NEFM: variants seen among roughly 807,000 people sequenced by gnomAD.
NEFM encodes neurofilament medium chain.
A neutral mutation model predicts 48.1 loss-of-function variants in NEFM; 16 were observed. The observed-to-expected ratio is 0.33, with a 90% CI of 0.23 to 0.51. The LOEUF is 0.51. Among genes scored for constraint, NEFM ranks in the 20% least tolerant of loss-of-function variants. The pLI is 0.98. For missense variants in NEFM, 1,107 were observed against 1,136.0 expected, an observed-to-expected ratio of 0.97 and a Z score of 0.37; for synonymous variants, 465 against 456.9, an observed-to-expected ratio of 1.02 and a Z score of -0.23.
In NEFM at chr8:24,917,755, C is replaced by T. The variant is rs1162868192; in HGVS notation, c.1900C>T (p.Pro634Ser). Residue 634 changes from proline to serine, a missense_variant, in exon 3 of 3, where the codon CCA becomes TCA. By Grantham distance (74) the Pro-to-Ser change is moderately conservative (BLOSUM62 -1). This residue lies in a region of NEFM where 917 missense variants were observed against 916.4 expected (regional missense o/e 1.00). Transcript: ENST00000221166. Reference protein sequence around the residue: ...EKGKSPVPKSPVEEKGKSPVP... With the variant: ...EKGKSPVPKSSVEEKGKSPVP... ...AGGCAAGTCTCCTGTGCCCAAGTCA[C>T]CAGTGGAAGAGAAAGGCAAGTCTCC... 2 of 1,613,642 alleles carry T rather than the reference C, an allele frequency of 1.2e-6. No homozygotes were observed. The highest frequency in any genetic ancestry group is 1.7e-6 in the Non-Finnish European group (2 of 1,179,888).
chr8:24,915,284 A>G (rs942615883), intron 1 of NEFM: 66 of 1,286,558 alleles, frequency 5.1e-5, no homozygotes, highest in Non-Finnish European at 6.4e-5. Context: ...AAGGGCTCAG[A>G]TGGGAATGGC....
Position 24,918,921 on chromosome 8 carries a change from A to T in NEFM, c.*315A>T, listed in dbSNP as rs1802625641. ...CCAAAAACAATAAACGAAACACAGA[A>T]CTCAGCCTTAAGAAAGCTATATATG... On this transcript the variant is annotated 3_prime_UTR_variant, in exon 3 of 3. Transcript: ENST00000221166. 2 of 362,162 alleles carry T rather than the reference A, an allele frequency of 5.5e-6. No homozygotes were observed. Among genetic ancestry groups the T allele is most frequent in the Non-Finnish European group, 5.1e-6 (1 of 194,928 alleles). The allele number at this position is 362,162 out of a possible 1,614,324, so 22.4% of individuals were successfully genotyped here.
chr8:24,915,749 C>G lies in NEFM; in HGVS notation c.1205+20C>G, dbSNP rs1287511793. 2 of 1,613,720 alleles carry G rather than the reference C, an allele frequency of 1.2e-6. No individual in the cohort carries two copies. Among genetic ancestry groups the G allele is most frequent in the Non-Finnish European group, 1.7e-6 (2 of 1,179,888 alleles). ...GTACAGGTACGATGCTTACTACGTG[C>G]GTGGCCGGAACACTAACCGCAGTGC... is the stretch of plus-strand genomic sequence containing the variant. On this transcript the variant is annotated intron_variant, in intron 2 of 2. Transcript: ENST00000221166.
Position 24,918,274 on chromosome 8 carries a change from G to A in NEFM, c.2419G>A (p.Glu807Lys). The change falls in exon 3 of 3, where the codon GAA becomes AAA. Residue 807 changes from glutamate (E) to lysine (K), a missense_variant. Around this residue, in one of 3 missense-constraint regions of NEFM, gnomAD observed 917 missense variants for 916.4 expected, o/e 1.00. Transcript: ENST00000221166. ...AGACATAGCTGTCAATGGGGAGGTA[G>A]AAGGAAAAGAGGAGGTAGAGCAGGA... ...KEDIAVNGEV[E>K]GKEEVEQETK... is the part of the protein sequence containing the mutation. 6.2e-7 allele frequency: 1 copy of A among 1,600,792 alleles called. No individual in the cohort carries two copies. The highest frequency in any genetic ancestry group is 2.3e-5 in the East Asian group (1 of 44,422).
Position 24,914,612 on chromosome 8 carries a change from C to A in NEFM, c.819C>A (p.Ile273=). The A allele has an allele frequency of 3.1e-6, 5 of 1,614,216 alleles. No individual in the cohort carries two copies. The highest frequency in any genetic ancestry group is 4.2e-6 in the Non-Finnish European group (5 of 1,180,042). ...KTDISTALKE[I]RSQLESHSDQ... ...ACATCTCGACGGCGCTGAAGGAAAT[C>A]CGCTCCCAGCTCGAAAGCCACTCAG... The change falls in exon 1 of 3, where the codon ATC becomes ATA. Residue 273 remains isoleucine, a synonymous_variant. Coordinates refer to ENST00000221166, the MANE Select transcript of NEFM (RefSeq NM_005382.2).
chr8:24,917,268 G>A lies in NEFM; in HGVS notation c.1413G>A (p.Glu471=). 1 of 1,614,112 alleles carries A rather than the reference G, an allele frequency of 6.2e-7. No individual in the cohort carries two copies. Among genetic ancestry groups the A allele is most frequent in the Non-Finnish European group, 8.5e-7 (1 of 1,180,042 alleles). Residue 471 remains glutamate, a synonymous_variant, in exon 3 of 3, where the codon GAG becomes GAA. Coordinates refer to ENST00000221166, the MANE Select transcript of NEFM (RefSeq NM_005382.2). ...AGGATGAGAAGTCAGAAATGGAAGA[G>A]GCCCTGACAGCCATTACAGAGGAAT... is the stretch of plus-strand genomic sequence containing the variant. ...KVEDEKSEME[E]ALTAITEELA... is the part of the protein sequence containing the mutation.
chr8:24,915,398 C>T (rs1325710771), intron 1 of NEFM: 8 of 1,037,736 alleles, frequency 7.7e-6, no homozygotes, highest in Non-Finnish European at 1.1e-5. Context: ...GTCCTATTGT[C>T]TTACTGATCT....
chr8:24,917,674 G>T lies in NEFM; in HGVS notation c.1819G>T (p.Val607Leu), dbSNP rs1179886627. 4 of 1,613,300 alleles carry T rather than the reference G, an allele frequency of 2.5e-6. No individual in the cohort carries two copies. Among genetic ancestry groups the T allele is most frequent in the African/African-American group, 1.3e-5 (1 of 74,916 alleles). The change falls in exon 3 of 3, where the codon GTG (valine) becomes TTG (leucine). Residue 607 changes from valine (V) to leucine (L), a missense_variant. Around this residue, in one of 3 missense-constraint regions of NEFM, gnomAD observed 917 missense variants for 916.4 expected, o/e 1.00. Transcript: ENST00000221166. The part of the protein sequence containing the change: ...TKEELVADAK[V>L]EKPEKAKSPV... Reference sequence around the variant, plus strand: ...GGAGGAGCTGGTGGCAGATGCCAAGGTGGAAAAGCCAGAAAAAGCCAAGTC... The same window carrying T: ...GGAGGAGCTGGTGGCAGATGCCAAGTTGGAAAAGCCAGAAAAAGCCAAGTC...
rs56902012 is a variant in NEFM, at chr8:24,914,799, G to C, written c.1006G>C (p.Gly336Arg). ...SKSIELESVR[G>R]TKESLERQLS... The stretch of plus-strand genomic sequence containing the variant: ...GAGCATCGAGCTAGAGTCGGTGCGC[G>C]GCACCAAGGAGTCCCTGGAGCGGCA... Residue 336 changes from glycine to arginine, a missense_variant, in exon 1 of 3, where the codon GGC (glycine) becomes CGC (arginine). Coordinates refer to ENST00000221166, the MANE Select transcript of NEFM (RefSeq NM_005382.2). The C allele has an allele frequency of 9.3e-6, 15 of 1,606,086 alleles. No individual in the cohort carries two copies. The highest frequency in any genetic ancestry group is 4.4e-5 in the South Asian group (4 of 90,062).
In NEFM at chr8:24,918,681, A is replaced by G; in HGVS notation, c.*75A>G. The stretch of plus-strand genomic sequence containing the variant: ...ATGTGATTGGCAGCTTCAAAACAGA[A>G]CGGGTTCTCCCATGGGGGCTCCAGA... On this transcript the variant is annotated 3_prime_UTR_variant, in exon 3 of 3. Coordinates refer to ENST00000221166, the MANE Select transcript of NEFM (RefSeq NM_005382.2). 2.8e-6 allele frequency: 3 copies of G among 1,087,440 alleles called. No homozygotes were observed. The highest frequency in any genetic ancestry group is 2.5e-5 in the South Asian group (2 of 80,168). 67.4% of individuals were successfully genotyped at this position (1,087,440 alleles called of 1,614,324 possible).
chr8:24,916,437 G>A (rs1802574127), intron 2 of NEFM, among the ~76,000 whole-genome samples: 2 of 152,134 alleles, frequency 1.3e-5, no homozygotes, highest in South Asian at 4.1e-4. Flanking sequence ...TAAGCGCAAA[G>A]GACAAAATCG....
In NEFM at chr8:24,914,229, C is replaced by G. The variant is rs1802537531; in HGVS notation, c.436C>G (p.Leu146Val). 6.2e-7 allele frequency: 1 copy of G among 1,610,358 alleles called. No homozygotes were observed. The highest frequency in any genetic ancestry group is 8.5e-7 in the Non-Finnish European group (1 of 1,178,598). Residue 146 changes from leucine (L) to valine (V), a missense_variant, in exon 1 of 3, where the codon CTG becomes GTG. Physicochemically the swap from Leu to Val is conservative, Grantham distance 32 (BLOSUM62 1). This residue lies in a region of NEFM where 186 missense variants were observed against 200.6 expected (regional missense o/e 0.93). Transcript: ENST00000221166. ...LRQKQASHAQ[L>V]GDAYDQEIRE... ...GCAGAAGCAGGCCTCGCACGCCCAG[C>G]TGGGCGACGCGTACGACCAGGAGAT...
In NEFM at chr8:24,915,579, G is replaced by A. The variant is rs750051140; in HGVS notation, c.1081-26G>A. The stretch of plus-strand genomic sequence containing the variant: ...AGTTGCTGTTTGCAAGGATGAGTCT[G>A]GGGAGATTCTCTGTGTCTGTTTCAG... On this transcript the variant is annotated intron_variant, in intron 1 of 2. Transcript: ENST00000221166. 1.9e-6 allele frequency: 3 copies of A among 1,614,030 alleles called. No homozygotes were observed. In the South Asian group the frequency reaches 3.3e-5, roughly 18 times the overall value.
chr8:24,915,757 G>C, intron 2 of NEFM, 28 bp downstream of exon 2: 1 of 1,613,868 alleles, frequency 6.2e-7, no homozygotes, highest in Non-Finnish European at 8.5e-7. Flanking sequence ...TGCGTGGCCG[G>C]AACACTAACC....
chr8:24,914,942 G>C (rs930572243), intron 1 of NEFM, 69 bp downstream of exon 1: 1 of 1,485,346 alleles, frequency 6.7e-7, no homozygotes, highest in East Asian at 2.5e-5. Context: ...ACTTGGGCTC[G>C]TGCCCAGGCG....
At chr8:24,917,028 A>G in intron 2 of NEFM, 33 bp from the exon 3 acceptor site, 1 of 1,596,238 alleles carries the variant, frequency 6.3e-7, no homozygotes, top group Non-Finnish European at 8.6e-7. Flanking sequence ...TGAAATTTTT[A>G]CTATGTCTTA....
At position 24,918,095 on chromosome 8, in the gene NEFM, T is replaced by G; in HGVS notation, c.2240T>G (p.Val747Gly). The change falls in exon 3 of 3, where the codon GTC becomes GGC. Residue 747 changes from valine to glycine, a missense_variant. By Grantham distance (109) the Val-to-Gly change is moderately radical (BLOSUM62 -3). Around this residue, in one of 3 missense-constraint regions of NEFM, gnomAD observed 917 missense variants for 916.4 expected, o/e 1.00. Coordinates refer to ENST00000221166, the MANE Select transcript of NEFM (RefSeq NM_005382.2). ...AAGGAGGAAGCTGTGGCAGAGGTGG[T>G]CACCATCACCAAATCGGTAAAGGTG... ...PVKEEAVAEV[V>G]TITKSVKVHL... 1 of 1,551,642 alleles carries G rather than the reference T, an allele frequency of 6.4e-7. No homozygotes were observed. Among genetic ancestry groups the G allele is most frequent in the Non-Finnish European group, 8.7e-7 (1 of 1,147,088 alleles).
chr8:24,914,014 G>C lies in NEFM; in HGVS notation c.221G>C (p.Ser74Thr), dbSNP rs2117219102. 1 of 1,612,488 alleles carries C rather than the reference G, an allele frequency of 6.2e-7. No homozygotes were observed. Among genetic ancestry groups the C allele is most frequent in the South Asian group, 1.1e-5 (1 of 91,082 alleles). Residue 74 changes from serine to threonine, a missense_variant, in exon 1 of 3, where the codon AGC (serine) becomes ACC (threonine). Ser to Thr is a moderately conservative substitution (Grantham distance 58, BLOSUM62 1). This residue lies in a region of NEFM where 186 missense variants were observed against 200.6 expected (regional missense o/e 0.93). Coordinates refer to ENST00000221166, the MANE Select transcript of NEFM (RefSeq NM_005382.2). ...SSAMLSSAES[S>T]LDFSQSSSLL... is the part of the protein sequence containing the mutation. ...GCCATGCTCAGCTCCGCCGAGAGCA[G>C]CCTTGACTTCAGCCAGTCCTCGTCC...
rs748174761 is a variant in NEFM, at chr8:24,914,244, G to A, written c.451G>A (p.Asp151Asn). 6.2e-7 allele frequency: 1 copy of A among 1,610,870 alleles called. No homozygotes were observed. ...GCACGCCCAGCTGGGCGACGCGTAC[G>A]ACCAGGAGATCCGCGAGCTGCGCGC... ...ASHAQLGDAY[D>N]QEIRELRATL... The change falls in exon 1 of 3, where the codon GAC (aspartate) becomes AAC (asparagine). Residue 151 changes from aspartate (D) to asparagine (N), a missense_variant. By Grantham distance (23) the Asp-to-Asn change is conservative. Around this residue, in one of 3 missense-constraint regions of NEFM, gnomAD observed 4 missense variants for 19.0 expected, o/e 0.21. Coordinates refer to ENST00000221166, the MANE Select transcript of NEFM (RefSeq NM_005382.2).
Sources: allele counts gnomAD v4.1 joint callset (sites outside exome capture counted in the v4.1 genomes callset), GRCh38; gene constraint gnomAD v4.1.1; regional missense constraint gnomAD v4.1.1; transcripts MANE v1.5; gene names NCBI Gene and HGNC (gene_info 2026-07-23, HGNC 2026-07-21).